Variants in INTS9 observed in about 807,000 individuals in gnomAD.
INTS9 encodes the protein protein related to CPSF subunits of 74 kDa.
INTS9 carries 55 observed loss-of-function variants against 79.7 expected under a neutral mutation model. That is an observed-to-expected ratio of 0.69 (90% CI 0.56 to 0.86). The LOEUF is 0.86. INTS9 is among the 40% of genes least tolerant of loss of function. INTS9 has a pLI of 0.00. For synonymous variants in INTS9, 319 were observed against 325.2 expected, an observed-to-expected ratio of 0.98 and a Z score of 0.20; for missense variants, 721 against 831.5, an observed-to-expected ratio of 0.87 and a Z score of 1.64.
intron 4 of INTS9, among the ~76,000 whole-genome samples, chr8:28,840,854 A>T (rs1807139733): frequency 6.6e-6 from 1 of 151,374 alleles, no homozygotes; most frequent in African/African-American, 2.4e-5. Context: ...TGACGAGTTA[A>T]TGGGTGCAGT....
intron 8 of INTS9, among the ~76,000 whole-genome samples, chr8:28,807,028 A>G (rs1471111883): frequency 6.6e-6 from 1 of 152,222 alleles, no homozygotes; most frequent in Non-Finnish European, 1.5e-5. Context: ...GATTAAAAGC[A>G]AAAACTTATT....
At chr8:28,781,168 T>C (rs1803240486) in intron 11 of INTS9, among the ~76,000 whole-genome samples, 174 bp from the exon 12 acceptor site, 1 of 151,960 alleles carries the variant, frequency 6.6e-6, no homozygotes, top group African/African-American at 2.4e-5. Context: ...TGACCCAGAA[T>C]CTATGAACTC....
Position 28,768,086 on chromosome 8 carries a change from C to A in INTS9, c.*60G>T. 1 of 1,537,044 alleles carries A rather than the reference C, an allele frequency of 6.5e-7. No homozygotes were observed. Reference sequence around the variant, plus strand: ...GCCTCTCATGCCACTCCTCAGGTGGCTTGTGAGGGCAGCCAGTGAGGGACT... The same window carrying A: ...GCCTCTCATGCCACTCCTCAGGTGGATTGTGAGGGCAGCCAGTGAGGGACT... On this transcript the variant is annotated 3_prime_UTR_variant, in exon 17 of 17. Coordinates refer to ENST00000521022, the MANE Select transcript of INTS9 (RefSeq NM_018250.4).
At chr8:28,861,826 T>A (rs888144045) in intron 1 of INTS9, among the ~76,000 whole-genome samples, 2 of 152,216 alleles carry the variant, frequency 1.3e-5, no homozygotes, top group Non-Finnish European at 2.9e-5. Flanking sequence ...AAGGCCAAAG[T>A]GAGGAATGCT....
intron 1 of INTS9, among the ~76,000 whole-genome samples, chr8:28,867,719 GTTTT>G: frequency 7.4e-6 from 1 of 134,250 alleles, no homozygotes; most frequent in Non-Finnish European, 1.6e-5. Context: ...TAACAAGTCT[GTTTT>G]TTTTTTTTTG....
intron 13 of INTS9, 51 bp from the exon 14 acceptor site, chr8:28,775,977 C>G: frequency 7.0e-7 from 1 of 1,427,854 alleles, no homozygotes; most frequent in South Asian, 1.4e-5. Flanking sequence ...TACAGTGGCC[C>G]CTGTGGAAGG....
chr8:28,889,728 A>G, intron 1 of INTS9, 146 bp downstream of exon 1: 1 of 814,360 alleles, frequency 1.2e-6, no homozygotes, highest in Non-Finnish European at 1.9e-6. Flanking sequence ...CAACAACAAA[A>G]AGCAGCTTTC....
intron 6 of INTS9, among the ~76,000 whole-genome samples, chr8:28,820,147 T>C (rs1585411608): frequency 1.3e-5 from 2 of 152,354 alleles, no homozygotes; most frequent in East Asian, 1.9e-4. Context: ...ATTTAGTCCA[T>C]TTACATTTAA....
chr8:28,776,437 T>TTG (rs1445749256), intron 13 of INTS9, among the ~76,000 whole-genome samples: 1 of 90,390 alleles, frequency 1.1e-5, no homozygotes, highest in African/African-American at 4.5e-5. Flanking sequence ...GTTTTTTTTT[T>TTG]TTGTTTTTTT....
chr8:28,882,651 C>CGGGG (rs1809959118), intron 1 of INTS9, among the ~76,000 whole-genome samples: 4 of 151,430 alleles, frequency 2.6e-5, no homozygotes, highest in African/African-American at 9.7e-5. Context: ...TATTATACAC[C>CGGGG]TCCCCCACCT....
intron 1 of INTS9, among the ~76,000 whole-genome samples, chr8:28,883,894 A>C (rs1363314672): frequency 6.6e-6 from 1 of 152,140 alleles, no homozygotes; most frequent in Non-Finnish European, 1.5e-5. Context: ...TGTATTTTCC[A>C]TGTGGAATGA....
At chr8:28,826,943 C>T (rs1452602400) in intron 6 of INTS9, among the ~76,000 whole-genome samples, 1 of 152,176 alleles carries the variant, frequency 6.6e-6, no homozygotes, top group African/African-American at 2.4e-5. Flanking sequence ...TTGCTGACAT[C>T]CTCTTTTATT....
chr8:28,807,522 A>G (rs567119442), intron 8 of INTS9, among the ~76,000 whole-genome samples: 7 of 152,344 alleles, frequency 4.6e-5, no homozygotes, highest in African/African-American at 1.7e-4. Context: ...TATTTTAAAA[A>G]GAATAGATTG....
At chr8:28,782,538 T>G (rs1421667303) in intron 11 of INTS9, among the ~76,000 whole-genome samples, 2 of 152,244 alleles carry the variant, frequency 1.3e-5, no homozygotes, top group Non-Finnish European at 2.9e-5. Context: ...TGTGCACACA[T>G]GCACACATAC....
intron 14 of INTS9, among the ~76,000 whole-genome samples, chr8:28,772,074 C>A (rs1802575296): frequency 6.6e-6 from 1 of 152,138 alleles, no homozygotes; most frequent in African/African-American, 2.4e-5. Context: ...GTTGCCCAGG[C>A]TGGTCTTGAA....
intron 5 of INTS9, among the ~76,000 whole-genome samples, chr8:28,835,933 C>T (rs1048462917): frequency 1.3e-5 from 2 of 151,892 alleles, no homozygotes; most frequent in African/African-American, 2.4e-5. Context: ...CTCAGCCACT[C>T]GAGTAGCTGG....
intron 12 of INTS9, 79 bp downstream of exon 12, chr8:28,780,744 T>C (rs1803206671): frequency 1.3e-6 from 2 of 1,551,714 alleles, no homozygotes; most frequent in South Asian, 2.4e-5. Flanking sequence ...AATCCTTCCC[T>C]GGGTCTCTAC....
In INTS9 at chr8:28,767,867, T is replaced by G. The variant is rs1585312201; in HGVS notation, c.*279A>C. On this transcript the variant is annotated 3_prime_UTR_variant, in exon 17 of 17. Coordinates refer to ENST00000521022, the MANE Select transcript of INTS9 (RefSeq NM_018250.4). Reference sequence around the variant, plus strand: ...TCACCTCCGCCTCCCATGAACCTCTTGGAAAACTTCTCCTGTCCCACTTCT... The same window carrying G: ...TCACCTCCGCCTCCCATGAACCTCTGGGAAAACTTCTCCTGTCCCACTTCT... 2.4e-6 allele frequency: 1 copy of G among 419,936 alleles called. No individual in the cohort carries two copies. The highest frequency in any genetic ancestry group is 5.0e-5 in the East Asian group (1 of 19,908). 26.0% of individuals were successfully genotyped at this position (419,936 alleles called of 1,614,324 possible). A position where few individuals can be genotyped will look rare whatever the true frequency, so the allele number is the denominator to read the frequency against.
chr8:28,846,447 C>T (rs1807519682), intron 4 of INTS9, among the ~76,000 whole-genome samples: 1 of 152,132 alleles, frequency 6.6e-6, no homozygotes, highest in Admixed American at 6.6e-5. Context: ...ATCAGAATCA[C>T]AAAACTAAAA....
Sources: gnomAD v4.1 joint callset for allele counts (sites outside exome capture counted in the v4.1 genomes callset) on GRCh38, gnomAD v4.1.1 for gene constraint, MANE v1.5 for transcripts, NCBI Gene and HGNC (gene_info 2026-07-23, HGNC 2026-07-21) for gene names.